ERVMER34-1: variants seen among roughly 807,000 people sequenced by gnomAD.
ERVMER34-1 encodes the protein endogenous retrovirus group MER34 member 1, envelope, also known as endogenous retroviral envelope protein HEMO.
For missense variants in ERVMER34-1, 471 were observed against 295.1 expected (o/e 1.60, Z -4.37); for synonymous variants, 199 against 111.7 (o/e 1.78, Z -4.93).
chr4:52,750,792 G>C (rs1716266859), intron 2 of ERVMER34-1, 138 bp downstream of exon 2: 1 of 152,436 alleles, frequency 6.6e-6, no homozygotes, highest in South Asian at 2.1e-4. Context: ...GAAGATCATC[G>C]TGAGGGAAAG....
chr4:52,750,459 A>G (rs76210255), intron 2 of ERVMER34-1, among the ~76,000 whole-genome samples: 4,385 of 152,316 alleles, frequency 0.029, 80 homozygotes, highest in Middle Eastern at 0.061. Context: ...AGGGCTGAGA[A>G]AGCTGCTAAA....
intron 2 of ERVMER34-1, among the ~76,000 whole-genome samples, chr4:52,748,636 A>G (rs1304159093): frequency 6.6e-6 from 1 of 152,142 alleles, no homozygotes; most frequent in African/African-American, 2.4e-5. Flanking sequence ...ATGGATTCCC[A>G]GTTGTGCTGC....
At chr4:52,749,493 C>T (rs914825702) in intron 2 of ERVMER34-1, among the ~76,000 whole-genome samples, 4 of 147,158 alleles carry the variant, frequency 2.7e-5, no homozygotes, top group Non-Finnish European at 4.5e-5. Context: ...TCTTAAGATA[C>T]TCCTTGAGCC....
chr4:52,749,863 A>C (rs567941341), intron 2 of ERVMER34-1, among the ~76,000 whole-genome samples: 1 of 152,280 alleles, frequency 6.6e-6, no homozygotes, highest in South Asian at 2.1e-4. Flanking sequence ...GCTATGACAT[A>C]GTGAGCTTGT....
In ERVMER34-1 at chr4:52,745,712, C is replaced by T. The variant is rs1716140264; in HGVS notation, c.-192G>A. On this transcript the variant is annotated 5_prime_UTR_variant, in exon 3 of 3. It removes an upstream start codon present in the reference 5' UTR. Coordinates refer to ENST00000443173, the MANE Select transcript of ERVMER34-1 (RefSeq NM_001242690.2). Reference sequence around the variant, plus strand: ...AGTAAAGCTGTCTACTTCATCTGCTCATGGAGCCTGTGAGTAGGTGCCAAA... The same window carrying T: ...AGTAAAGCTGTCTACTTCATCTGCTTATGGAGCCTGTGAGTAGGTGCCAAA... The T allele has an allele frequency of 6.9e-6, 4 of 583,326 alleles. No individual in the cohort carries two copies. The highest frequency in any genetic ancestry group is 1.9e-5 in the African/African-American group (1 of 53,618). The allele number at this position is 583,326 out of a possible 1,614,324, so 36.1% of individuals were successfully genotyped here. A position where few individuals can be genotyped will look rare whatever the true frequency, so the allele number is the denominator to read the frequency against.
rs1286349546 is a variant in ERVMER34-1 at position 52,744,029 on chromosome 4, G to T, written c.1492C>A (p.Leu498Ile). ...AAAACAAAGATGAATAAGCAGAAAA[G>T]AACAATTAAAAGCACATAGCCCCAT... The part of the protein sequence containing the change: ...RSWGYVLLIV[L>I]FCLFIFVLIY... Residue 498 changes from leucine to isoleucine, a missense_variant, in exon 3 of 3, where the codon CTT becomes ATT. Leu to Ile is a conservative substitution (Grantham distance 5). Coordinates refer to ENST00000443173, the MANE Select transcript of ERVMER34-1 (RefSeq NM_001242690.2). 6 of 712,010 alleles carry T rather than the reference G, an allele frequency of 8.4e-6. No individual in the cohort carries two copies. In the South Asian group the frequency reaches 8.9e-5, roughly 11 times the overall value. The allele number at this position is 712,010 out of a possible 1,614,324, so 44.1% of individuals were successfully genotyped here.
chr4:52,745,699 T>C lies in ERVMER34-1; in HGVS notation c.-179A>G. The C allele has an allele frequency of 1.7e-6, 1 of 594,626 alleles. No individual in the cohort carries two copies. The allele number at this position is 594,626 out of a possible 1,614,324, so 36.8% of individuals were successfully genotyped here. On this transcript the variant is annotated 5_prime_UTR_variant, in exon 3 of 3. The change abolishes the stop of an existing upstream ORF in the 5' untranslated region. Coordinates refer to ENST00000443173, the MANE Select transcript of ERVMER34-1 (RefSeq NM_001242690.2). ...GTCTGAGATACTGAGTAAAGCTGTC[T>C]ACTTCATCTGCTCATGGAGCCTGTG... is the stretch of plus-strand genomic sequence containing the variant.
rs113024322 is a variant in ERVMER34-1 at position 52,743,714 on chromosome 4, A to T, written c.*115T>A. 1 of 946,202 alleles carries T rather than the reference A, an allele frequency of 1.1e-6. No homozygotes were observed. Among genetic ancestry groups the T allele is most frequent in the Non-Finnish European group, 1.5e-6 (1 of 656,336 alleles). 58.6% of individuals were successfully genotyped at this position (946,202 alleles called of 1,614,324 possible). A position where few individuals can be genotyped will look rare whatever the true frequency, so the allele number is the denominator to read the frequency against. On this transcript the variant is annotated 3_prime_UTR_variant, in exon 3 of 3. Transcript: ENST00000443173. ...GGAGGTCCTAGTGCTAAGTGCCCTTATAAGAGGAACACTCAGAGGAGGGTT... is the reference window on the plus strand; with the variant it reads ...GGAGGTCCTAGTGCTAAGTGCCCTTTTAAGAGGAACACTCAGAGGAGGGTT...
intron 2 of ERVMER34-1, among the ~76,000 whole-genome samples, chr4:52,746,464 C>A (rs1455948035): frequency 1.3e-5 from 2 of 152,176 alleles, no homozygotes; most frequent in Non-Finnish European, 2.9e-5. Flanking sequence ...AGGGGGTATA[C>A]AATTTTAATG....
Position 52,745,483 on chromosome 4 carries a change from G to A in ERVMER34-1, c.38C>T (p.Thr13Ile). The change falls in exon 3 of 3, where the codon ACC (threonine) becomes ATC (isoleucine). Residue 13 changes from threonine (T) to isoleucine (I), a missense_variant. Transcript: ENST00000443173. Reference protein sequence around the residue: ...SLSNYALLQLTLTAFLTILVQ... With the variant: ...SLSNYALLQLILTAFLTILVQ... The stretch of plus-strand genomic sequence containing the variant: ...TAGAATTGTCAAAAAAGCAGTAAGG[G>A]TTAGTTGAAGCAGGGCATAGTTTGA... 2.8e-6 allele frequency: 2 copies of A among 704,104 alleles called. No individual in the cohort carries two copies. Among genetic ancestry groups the A allele is most frequent in the Non-Finnish European group, 2.6e-6 (1 of 385,000 alleles). 43.6% of individuals were successfully genotyped at this position (704,104 alleles called of 1,614,324 possible).
rs951766275 is a variant in ERVMER34-1 at position 52,743,073 on chromosome 4, G to C, written c.*756C>G. ...GATTAACTAGAAAGATGCATGTAAG[G>C]AACTCACCAGAGGACTGGGCAGAGT... On this transcript the variant is annotated 3_prime_UTR_variant, in exon 3 of 3. Coordinates refer to ENST00000443173, the MANE Select transcript of ERVMER34-1 (RefSeq NM_001242690.2). 1.3e-5 allele frequency: 2 copies of C among 151,154 alleles called. No homozygotes were observed. The highest frequency in any genetic ancestry group is 2.9e-5 in the Non-Finnish European group (2 of 67,898). 9.4% of individuals were successfully genotyped at this position (151,154 alleles called of 1,614,324 possible). A position where few individuals can be genotyped will look rare whatever the true frequency, so the allele number is the denominator to read the frequency against.
chr4:52,744,521 C>T lies in ERVMER34-1; in HGVS notation c.1000G>A (p.Ala334Thr). The T allele has an allele frequency of 1.4e-6, 1 of 704,046 alleles. No homozygotes were observed. Among genetic ancestry groups the T allele is most frequent in the East Asian group, 2.7e-5 (1 of 37,288 alleles). The allele number at this position is 704,046 out of a possible 1,614,324, so 43.6% of individuals were successfully genotyped here. A position where few individuals can be genotyped will look rare whatever the true frequency, so the allele number is the denominator to read the frequency against. Residue 334 changes from alanine to threonine, a missense_variant, in exon 3 of 3, where the codon GCT becomes ACT. By Grantham distance (58) the Ala-to-Thr change is moderately conservative (BLOSUM62 0). Coordinates refer to ENST00000443173, the MANE Select transcript of ERVMER34-1 (RefSeq NM_001242690.2). ...GATCTCAGGTTTGTAATTTGGCTAG[C>T]ATTTAAGGTGAGGTATCTGGTGAGG... ...PSLTRYLTLN[A>T]SQITNLRSFI...
In ERVMER34-1 at chr4:52,745,420, G is replaced by T; in HGVS notation, c.101C>A (p.Thr34Lys). The change falls in exon 3 of 3, where the codon ACA becomes AAA. Residue 34 changes from threonine to lysine, a missense_variant. Thr to Lys is a moderately conservative substitution (Grantham distance 78, BLOSUM62 -1). Coordinates refer to ENST00000443173, the MANE Select transcript of ERVMER34-1 (RefSeq NM_001242690.2). ...AGACTGATTAGTCAAGATAGATAGT[G>T]TCCGGAAAACTGGAGCAAGCAGGTG... is the stretch of plus-strand genomic sequence containing the variant. The part of the protein sequence containing the change: ...PQHLLAPVFR[T>K]LSILTNQSNC... The T allele has an allele frequency of 1.4e-6, 1 of 704,116 alleles. No individual in the cohort carries two copies. Among genetic ancestry groups the T allele is most frequent in the African/African-American group, 1.7e-5 (1 of 57,372 alleles). 43.6% of individuals were successfully genotyped at this position (704,116 alleles called of 1,614,324 possible).
rs900705043 is a variant in ERVMER34-1, at chr4:52,745,816, G to A, written c.-296C>T. 6 of 350,818 alleles carry A rather than the reference G, an allele frequency of 1.7e-5. No individual in the cohort carries two copies. The highest frequency in any genetic ancestry group is 8.7e-5 in the Admixed American group (2 of 23,014). 21.7% of individuals were successfully genotyped at this position (350,818 alleles called of 1,614,324 possible). A position where few individuals can be genotyped will look rare whatever the true frequency, so the allele number is the denominator to read the frequency against. On this transcript the variant is annotated 5_prime_UTR_variant, in exon 3 of 3. Coordinates refer to ENST00000443173, the MANE Select transcript of ERVMER34-1 (RefSeq NM_001242690.2). ...ATCTCAATCTAGCTTCCTGTGGCTT[G>A]TACAAATTCAGGAATTTTATTTTGA...
chr4:52,744,573 T>A lies in ERVMER34-1; in HGVS notation c.948A>T (p.Arg316=). 1 of 703,986 alleles carries A rather than the reference T, an allele frequency of 1.4e-6. No individual in the cohort carries two copies. The highest frequency in any genetic ancestry group is 2.6e-6 in the Non-Finnish European group (1 of 384,990). The allele number at this position is 703,986 out of a possible 1,614,324, so 43.6% of individuals were successfully genotyped here. The change falls in exon 3 of 3, where the codon CGA becomes CGT. Residue 316 remains arginine (R), a synonymous_variant. Transcript: ENST00000443173. ...AAGGTACAAGATACCCAAGTCCACA[T>A]CGCCCAGACCATTTAGGTGGAAACC... ...YKGFPPKWSG[R]CGLGYLVPSL... is the part of the protein sequence containing the mutation.
intron 2 of ERVMER34-1, among the ~76,000 whole-genome samples, chr4:52,750,299 C>T (rs1464543225): frequency 6.6e-6 from 1 of 152,104 alleles, no homozygotes; most frequent in African/African-American, 2.4e-5. Flanking sequence ...GCGCCCTACC[C>T]CCCCATAGAT....
In ERVMER34-1 at chr4:52,744,289, G is replaced by T; in HGVS notation, c.1232C>A (p.Ser411Ter). 1.4e-6 allele frequency: 1 copy of T among 704,108 alleles called. No individual in the cohort carries two copies. The highest frequency in any genetic ancestry group is 2.6e-6 in the Non-Finnish European group (1 of 385,000). The allele number at this position is 704,108 out of a possible 1,614,324, so 43.6% of individuals were successfully genotyped here. ...ATKQTLEAHQ[S>*]KVSSLASASR... is the part of the protein sequence containing the mutation. Reference sequence around the variant, plus strand: ...TGCAGAGGCTAAACTGCTAACTTTTGATTGGTGTGCTTCCAAGGTCTGCTT... The same window carrying T: ...TGCAGAGGCTAAACTGCTAACTTTTTATTGGTGTGCTTCCAAGGTCTGCTT... The change falls in exon 3 of 3, where the codon TCA becomes TAA. Residue 411 changes from serine to a stop codon, truncating the protein, a stop_gained. Transcript: ENST00000443173. LOFTEE classifies it low-confidence loss of function (END_TRUNC).
chr4:52,749,721 G>A (rs924603950), intron 2 of ERVMER34-1, among the ~76,000 whole-genome samples: 1 of 152,110 alleles, frequency 6.6e-6, no homozygotes, highest in Non-Finnish European at 1.5e-5. Context: ...CCCAGGAGGT[G>A]GAGGTTGCAG....
intron 1 of ERVMER34-1, 99 bp from the exon 2 acceptor site, chr4:52,751,168 T>TGTC (rs1175962116): frequency 6.6e-6 from 1 of 152,096 alleles, no homozygotes; most frequent in African/African-American, 2.4e-5. Context: ...CGCGCGGCCC[T>TGTC]GGGACGGGCA....
Sources: allele counts gnomAD v4.1 joint callset (sites outside exome capture counted in the v4.1 genomes callset), GRCh38; gene constraint gnomAD v4.1.1; transcripts MANE v1.5; gene names NCBI Gene and HGNC (gene_info 2026-07-23, HGNC 2026-07-21).